The following RIPOR2 variants were observed in gnomAD, a reference collection of about 807,000 sequenced individuals.
RIPOR2 encodes RHO family interacting cell polarization regulator 2.
In RIPOR2, 39 loss-of-function variants were observed where a neutral mutation model predicts 114.5. The observed-to-expected ratio is 0.34, with a 90% CI of 0.26 to 0.44. The LOEUF (loss-of-function observed/expected upper bound fraction) is 0.44. Ranked by LOEUF, RIPOR2 falls within the 20% of genes least tolerant of loss-of-function variation. The probability of loss-of-function intolerance (pLI) is 1.00; values close to 1 mark genes in which losing one functional copy is unlikely to be tolerated. For missense variants in RIPOR2, 1,007 were observed against 1,255.1 expected, an observed-to-expected ratio of 0.80 and a Z score of 2.99; for synonymous variants, 445 against 484.4, an observed-to-expected ratio of 0.92 and a Z score of 1.07.
intron 4 of RIPOR2, among the ~76,000 whole-genome samples, chr6:24,871,921 A>T (rs867045563): frequency 4.1e-4 from 63 of 152,224 alleles, no homozygotes; most frequent in African/African-American, 1.4e-3. Flanking sequence ...ACATAGATGC[A>T]GGCAATTTAT....
At position 25,037,245 on chromosome 6, in the gene RIPOR2, GA is replaced by G. The variant is rs1193145764; in HGVS notation, c.76+4605del. Among the ~76,000 whole-genome samples, 7 of 152,184 alleles carry G rather than the reference GA, an allele frequency of 4.6e-5. No individual in the cohort carries two copies. The highest frequency in any genetic ancestry group is 2.0e-4 in the Admixed American group (3 of 15,280). ...CTAAGAAGTTGTAGAAGCAGGATTT[GA>G]AGCCAAATCTCCTGGTTGTCAAAGC... On this transcript the variant is annotated intron_variant, in intron 1 of 13. Coordinates refer to the RIPOR2 transcript ENST00000510784. The surrounding 1 kb of genome is among the most constrained non-coding windows in gnomAD (Gnocchi z 4.5).
intron 1 of RIPOR2, among the ~76,000 whole-genome samples, chr6:24,902,709 C>A (rs1185695358): frequency 6.6e-6 from 1 of 152,216 alleles, no homozygotes; most frequent in Non-Finnish European, 1.5e-5. Context: ...GGTACCAACT[C>A]CACTTTCCCA....
chr6:24,869,420 C>T (rs573692679), intron 5 of RIPOR2, among the ~76,000 whole-genome samples: 4 of 151,222 alleles, frequency 2.6e-5, no homozygotes, highest in South Asian at 2.1e-4. Flanking sequence ...TGGGTTCAAG[C>T]GATTCTCCTG....
At chr6:25,015,611 A>G (rs1775937896) in intron 1 of RIPOR2, 1 of 152,204 alleles carries the variant, frequency 6.6e-6, no homozygotes, top group South Asian at 2.1e-4. Flanking sequence ...CACTTTTACC[A>G]AATCCTCATT....
chr6:24,848,169 G>A lies in RIPOR2; in HGVS notation c.1035-15C>T, dbSNP rs781653254. 2.5e-6 allele frequency: 4 copies of A among 1,612,534 alleles called. No homozygotes were observed. In the East Asian group the frequency reaches 6.7e-5, roughly 27 times the overall value. The stretch of plus-strand genomic sequence containing the variant: ...CGTCAAATGGACTGCAAAACAACAG[G>A]TCCCCAGGTATGCACATTTGGCAAA... On this transcript the variant is annotated splice_polypyrimidine_tract_variant and intron_variant, in intron 11 of 21. Coordinates refer to ENST00000643898, the MANE Select transcript of RIPOR2 (RefSeq NM_001286445.3).
chr6:24,849,957 G>A lies in RIPOR2; in HGVS notation c.886-7C>T. 6.2e-7 allele frequency: 1 copy of A among 1,612,054 alleles called. No homozygotes were observed. Among genetic ancestry groups the A allele is most frequent in the Non-Finnish European group, 8.5e-7 (1 of 1,178,576 alleles). ...GCCCTTTGAGCTCCGTGACCTAGCA[G>A]AGAGAGTGGGAGAGAATAGGCCTTA... On this transcript the variant is annotated splice_region_variant and splice_polypyrimidine_tract_variant and intron_variant, in intron 10 of 21. Transcript: ENST00000643898.
chr6:24,869,843 G>C (rs115515486), intron 5 of RIPOR2, among the ~76,000 whole-genome samples: 5,973 of 152,044 alleles, frequency 0.039, 312 homozygotes, highest in African/African-American at 0.12. Context: ...CTTTGAAATT[G>C]GGGTGCATTT....
intron 19 of RIPOR2, among the ~76,000 whole-genome samples, chr6:24,821,274 C>T (rs1272843207): frequency 6.6e-6 from 1 of 151,546 alleles, no homozygotes; most frequent in African/African-American, 2.4e-5. Flanking sequence ...CCTCTGCCTC[C>T]CGGGTTCAAG....
intron 20 of RIPOR2, among the ~76,000 whole-genome samples, chr6:24,818,052 T>C (rs60135217): frequency 0.3 from 45,293 of 149,090 alleles, 7,779 homozygotes; most frequent in East Asian, 0.68. Flanking sequence ...TCACTGCAAC[T>C]TCCTGGGTTC....
At chr6:24,982,620 A>G (rs1774344178) in intron 1 of RIPOR2, among the ~76,000 whole-genome samples, 1 of 152,232 alleles carries the variant, frequency 6.6e-6, no homozygotes, top group African/African-American at 2.4e-5. Context: ...CTAAGAATCA[A>G]ATAAAAGTAG....
intron 1 of RIPOR2, among the ~76,000 whole-genome samples, chr6:24,889,028 G>A (rs1020346286): frequency 6.6e-6 from 1 of 152,128 alleles, no homozygotes; most frequent in African/African-American, 2.4e-5. Context: ...CTGTTGTTAT[G>A]ACAACACTTT....
chr6:24,964,395 T>C (rs1442890106), intron 1 of RIPOR2, among the ~76,000 whole-genome samples: 1 of 152,210 alleles, frequency 6.6e-6, no homozygotes, highest in African/African-American at 2.4e-5. Context: ...ATACAACCTG[T>C]GTCCTTTTGA....
rs760256081 is a variant in RIPOR2 at position 24,875,729 on chromosome 6, G to A, written c.150C>T (p.Ser50=). 1.9e-6 allele frequency: 3 copies of A among 1,613,618 alleles called. No homozygotes were observed. The highest frequency in any genetic ancestry group is 2.5e-6 in the Non-Finnish European group (3 of 1,179,802). ...CCTGGAGGCCGCTGAAACCCGCAAA[G>A]GACTGGCTTCTAATGATCCCATTGG... ...GGPNGIIRSQ[S]FAGFSGLQER... The change falls in exon 2 of 22, where the codon TCC becomes TCT. Residue 50 remains serine (S), a synonymous_variant. Transcript: ENST00000643898.
intron 1 of RIPOR2, among the ~76,000 whole-genome samples, chr6:24,958,288 A>C (rs1773137730): frequency 6.6e-6 from 1 of 152,214 alleles, no homozygotes; most frequent in African/African-American, 2.4e-5. Flanking sequence ...ATGCACCTTA[A>C]TTGAAAATGA....
intron 1 of RIPOR2, among the ~76,000 whole-genome samples, chr6:25,021,703 T>C (rs1352386799): frequency 6.6e-6 from 1 of 152,202 alleles, no homozygotes. Flanking sequence ...ACTCCTCGAT[T>C]GATGGGTCAA....
intron 1 of RIPOR2, among the ~76,000 whole-genome samples, chr6:24,923,931 C>T (rs1770679183): frequency 1.3e-5 from 2 of 152,154 alleles, no homozygotes; most frequent in African/African-American, 2.4e-5. Flanking sequence ...GACATTCCTG[C>T]CTCTTGTAAT....
intron 21 of RIPOR2, among the ~76,000 whole-genome samples, chr6:24,807,019 G>C (rs969402016): frequency 6.6e-6 from 1 of 152,094 alleles, no homozygotes; most frequent in African/African-American, 2.4e-5. Context: ...TGAACAGTTA[G>C]GATGCAATTG....
At chr6:24,848,242 T>C (rs1762518465) in intron 11 of RIPOR2, 88 bp from the exon 12 acceptor site, 1 of 1,364,558 alleles carries the variant, frequency 7.3e-7, no homozygotes, top group East Asian at 2.4e-5. Context: ...CCTCATTATA[T>C]AAAGGTAAAC....
rs186416693 is a variant in RIPOR2 at position 25,005,734 on chromosome 6, T to C, written c.76+36117A>G. On this transcript the variant is annotated intron_variant, in intron 1 of 13. Transcript: ENST00000510784. ...ATATATATATATATATATATATATA[T>C]ATATATACATTTACCGATCAAAAGA... is the stretch of plus-strand genomic sequence containing the variant. Among the ~76,000 whole-genome samples, 106 of 97,674 alleles carry C rather than the reference T, an allele frequency of 1.1e-3. 5 individuals carry two copies. The highest frequency in any genetic ancestry group is 4.5e-3 in the Middle Eastern group (1 of 222). 64.1% of individuals were successfully genotyped at this position (97,674 alleles called of 152,430 possible).
Sources: gnomAD v4.1 joint callset for allele counts (sites outside exome capture counted in the v4.1 genomes callset) on GRCh38, gnomAD v4.1.1 for gene constraint, Gnocchi (gnomAD v3.1) non-coding constraint, MANE v1.5 for transcripts, NCBI Gene and HGNC (gene_info 2026-07-23, HGNC 2026-07-21) for gene names.